The following MARCHF5 variants were observed in gnomAD, a reference collection of about 807,000 sequenced individuals.
The protein encoded by MARCHF5 is membrane associated ring-CH-type finger 5.
Under a neutral mutation model 36.5 loss-of-function variants are expected in MARCHF5, and 5 were observed. The ratio of observed to expected loss-of-function variants is 0.14; its 90% CI spans 0.07 to 0.29. The LOEUF (loss-of-function observed/expected upper bound fraction) is 0.29, where lower values mean the gene tolerates loss of function less well. MARCHF5 is among the 10% of genes least tolerant of loss of function. The probability of loss-of-function intolerance (pLI) is 1.00; values close to 1 mark genes in which losing one functional copy is unlikely to be tolerated. For missense variants in MARCHF5, 179 were observed against 336.3 expected, an observed-to-expected ratio of 0.53 and a Z score of 3.66; for synonymous variants, 103 against 109.9, an observed-to-expected ratio of 0.94 and a Z score of 0.39.
Position 92,299,617 on chromosome 10 carries a change from AC to A in MARCHF5, c.35+8089del, listed in dbSNP as rs1842989299. ...CTTGTTGCATTTATTATAGTGTATC[AC>A]ATTGTACTGTAAATTTTTTAATATA... On this transcript the variant is annotated intron_variant, in intron 1 of 5. Transcript: ENST00000358935. Among the ~76,000 whole-genome samples, 7 of 152,158 alleles carry A rather than the reference AC, an allele frequency of 4.6e-5. 1 individual carries two copies. Among genetic ancestry groups the A allele is most frequent in the Admixed American group, 4.6e-4 (7 of 15,270 alleles).
chr10:92,291,951 G>C (rs1364695394), intron 1 of MARCHF5, among the ~76,000 whole-genome samples: 1 of 151,940 alleles, frequency 6.6e-6, no homozygotes, highest in Non-Finnish European at 1.5e-5. Context: ...GAGAACCAAT[G>C]ATAAGCATTC....
chr10:92,342,175 A>G (rs1164871744), intron 3 of MARCHF5, among the ~76,000 whole-genome samples: 1 of 142,906 alleles, frequency 7.0e-6, no homozygotes, highest in Admixed American at 6.9e-5. Context: ...CGACAAAACA[A>G]AGTCTTACTC....
At chr10:92,322,010 C>T (rs1228545494) in intron 2 of MARCHF5, among the ~76,000 whole-genome samples, 3 of 151,410 alleles carry the variant, frequency 2.0e-5, no homozygotes, top group East Asian at 1.9e-4. Flanking sequence ...TTTGGGAGGC[C>T]GAGGCGGGCG....
chr10:92,340,846 A>G (rs1002785220), intron 3 of MARCHF5, 43 bp downstream of exon 3: 2 of 1,469,246 alleles, frequency 1.4e-6, no homozygotes, highest in Non-Finnish European at 1.8e-6. Flanking sequence ...TGGTGTGAAG[A>G]TCTATTAAAA....
Position 92,351,234 on chromosome 10 carries a change from C to G in MARCHF5, c.*27C>G, listed in dbSNP as rs1490924178. The G allele has an allele frequency of 2.2e-6, 3 of 1,344,372 alleles. No homozygotes were observed. Among genetic ancestry groups the G allele is most frequent in the Non-Finnish European group, 3.2e-6 (3 of 938,950 alleles). 83.3% of individuals were successfully genotyped at this position (1,344,372 alleles called of 1,614,324 possible). On this transcript the variant is annotated 3_prime_UTR_variant, in exon 6 of 6. Transcript: ENST00000358935. The stretch of plus-strand genomic sequence containing the variant: ...ACTGACTTCTGGTTGTTCTGCAGTT[C>G]TCTCATCCTTATGAATCTGTTGTGT...
chr10:92,347,515 T>TGG (rs758739369), intron 3 of MARCHF5, among the ~76,000 whole-genome samples: 2 of 75,448 alleles, frequency 2.7e-5, no homozygotes, highest in African/African-American at 4.8e-5. Context: ...GATAGATAGA[T>TGG]AGATAGATGA....
intron 3 of MARCHF5, among the ~76,000 whole-genome samples, chr10:92,343,519 C>T (rs996207377): frequency 2.2e-4 from 33 of 152,314 alleles, no homozygotes; most frequent in African/African-American, 7.2e-4. Context: ...GTTACAGCAT[C>T]TACATAGAAA....
intron 1 of MARCHF5, among the ~76,000 whole-genome samples, chr10:92,309,237 ATGTT>A (rs891624142): frequency 2.0e-5 from 3 of 152,204 alleles, no homozygotes; most frequent in Non-Finnish European, 2.9e-5. Flanking sequence ...TCATAATAAA[ATGTT>A]TGGGAAAAAT....
chr10:92,298,244 G>A (rs1265061570), intron 1 of MARCHF5, among the ~76,000 whole-genome samples: 1 of 152,000 alleles, frequency 6.6e-6, no homozygotes, highest in Admixed American at 6.6e-5. Context: ...TTTTCTTCAG[G>A]ACTTTTTATC....
chr10:92,302,243 T>C (rs914314432), intron 1 of MARCHF5, among the ~76,000 whole-genome samples: 1 of 152,152 alleles, frequency 6.6e-6, no homozygotes, highest in African/African-American at 2.4e-5. Flanking sequence ...GCTGACTGTA[T>C]TCTCACCTTT....
intron 2 of MARCHF5, among the ~76,000 whole-genome samples, chr10:92,320,274 T>A (rs766164298): frequency 6.6e-6 from 1 of 151,846 alleles, no homozygotes; most frequent in African/African-American, 2.4e-5. Flanking sequence ...CCAGGCTGAT[T>A]TCTCTCTTCT....
intron 5 of MARCHF5, chr10:92,350,077 C>T: frequency 2.3e-6 from 1 of 439,810 alleles, no homozygotes; most frequent in South Asian, 3.5e-5. Context: ...ATGCATGAAT[C>T]ATCACACCTG....
intron 2 of MARCHF5, among the ~76,000 whole-genome samples, chr10:92,322,244 CAAAAAAAAA>C (rs56391697): frequency 1.1e-4 from 3 of 27,750 alleles, no homozygotes; most frequent in African/African-American, 3.8e-4. Flanking sequence ...AACTCCGTCT[CAAAAAAAAA>C]AAAAAAAAAA....
chr10:92,326,757 G>A (rs568229818), intron 2 of MARCHF5, among the ~76,000 whole-genome samples: 1 of 151,120 alleles, frequency 6.6e-6, no homozygotes, highest in African/African-American at 2.4e-5. Context: ...AAGAGAAGAT[G>A]GAGCAACTGC....
intron 1 of MARCHF5, among the ~76,000 whole-genome samples, chr10:92,305,535 C>T (rs1331599989): frequency 3.3e-5 from 5 of 152,144 alleles, no homozygotes; most frequent in Non-Finnish European, 5.9e-5. Flanking sequence ...TGCTGGGTAC[C>T]CCCAGAGTTT....
intron 2 of MARCHF5, among the ~76,000 whole-genome samples, chr10:92,328,839 G>A (rs1249718987): frequency 7.9e-6 from 1 of 127,246 alleles, no homozygotes; most frequent in African/African-American, 2.9e-5. Context: ...TTTTTTTACA[G>A]GAATATCTGA....
intron 2 of MARCHF5, among the ~76,000 whole-genome samples, chr10:92,326,344 T>C (rs551030070): frequency 6.6e-6 from 1 of 152,254 alleles, no homozygotes; most frequent in South Asian, 2.1e-4. Flanking sequence ...ATAGATATTG[T>C]CCTCAGTTTG....
chr10:92,306,579 C>A (rs772717543), intron 1 of MARCHF5, among the ~76,000 whole-genome samples: 1 of 152,162 alleles, frequency 6.6e-6, no homozygotes, highest in Non-Finnish European at 1.5e-5. Flanking sequence ...TCAAATAGCT[C>A]TTCTCCATCT....
chr10:92,334,070 A>G (rs1048221014), intron 2 of MARCHF5, among the ~76,000 whole-genome samples: 16 of 152,300 alleles, frequency 1.1e-4, no homozygotes, highest in African/African-American at 3.8e-4. Flanking sequence ...TGTACCTGTA[A>G]TCTTAGCTAC....
Sources: allele counts gnomAD v4.1 joint callset (sites outside exome capture counted in the v4.1 genomes callset), GRCh38; gene constraint gnomAD v4.1.1; transcripts MANE v1.5; gene names NCBI Gene and HGNC (gene_info 2026-07-23, HGNC 2026-07-21).